ITPK1: variants seen among roughly 807,000 people sequenced by gnomAD.
ITPK1 encodes inositol-tetrakisphosphate 1-kinase, also known as inositol 1,3,4-trisphosphate 5/6-kinase.
A neutral mutation model predicts 45.3 loss-of-function variants in ITPK1; 21 were observed. That is an observed-to-expected ratio of 0.46 (90% CI 0.33 to 0.67). The LOEUF (loss-of-function observed/expected upper bound fraction) is 0.67, where lower values mean the gene tolerates loss of function less well. Among genes scored for constraint, ITPK1 ranks in the 30% least tolerant of loss-of-function variants. The probability of loss-of-function intolerance (pLI) is 0.02; values close to 1 mark genes in which losing one functional copy is unlikely to be tolerated. For synonymous variants in ITPK1, 258 were observed against 253.6 expected (o/e 1.02, Z -0.16); for missense variants, 474 against 573.5 (o/e 0.83, Z 1.77).
chr14:93,075,660 G>A (rs988813811), intron 3 of ITPK1, among the ~76,000 whole-genome samples: 3 of 152,204 alleles, frequency 2.0e-5, no homozygotes, highest in Non-Finnish European at 4.4e-5. Context: ...ACCGCTGAGG[G>A]AAGGCCTGGA....
At chr14:93,094,972 C>T (rs1471622638) in intron 2 of ITPK1, among the ~76,000 whole-genome samples, 3 of 152,228 alleles carry the variant, frequency 2.0e-5, no homozygotes, top group Middle Eastern at 3.2e-3. Context: ...GAGCTCCCTG[C>T]GCCCTCAAAC....
intron 9 of ITPK1, among the ~76,000 whole-genome samples, chr14:92,948,959 C>G (rs1408929197): frequency 3.5e-5 from 4 of 113,586 alleles, no homozygotes; most frequent in African/African-American, 1.3e-4. Flanking sequence ...CATCTCCCAC[C>G]CCGGCTTTGC....
At chr14:93,005,677 A>G in intron 4 of ITPK1, among the ~76,000 whole-genome samples, 1 of 152,206 alleles carries the variant, frequency 6.6e-6, no homozygotes. Context: ...GAGAAACCGG[A>G]CAACAGCCAA....
chr14:93,100,550 G>C (rs1021720948), intron 2 of ITPK1, among the ~76,000 whole-genome samples: 9 of 146,898 alleles, frequency 6.1e-5, no homozygotes, highest in Non-Finnish European at 1.2e-4. Flanking sequence ...GAGAGAGAGA[G>C]AGAGAGACAG....
At chr14:93,020,079 G>C (rs972552418) in intron 3 of ITPK1, among the ~76,000 whole-genome samples, 2 of 152,178 alleles carry the variant, frequency 1.3e-5, no homozygotes, top group African/African-American at 4.8e-5. Flanking sequence ...GCCCATGCTG[G>C]ATCCTGCTCT....
chr14:93,062,865 C>T (rs1890591089), intron 3 of ITPK1, among the ~76,000 whole-genome samples: 1 of 152,174 alleles, frequency 6.6e-6, no homozygotes, highest in Non-Finnish European at 1.5e-5. Context: ...GTCCTTGTCC[C>T]TGATGGACAA....
intron 2 of ITPK1, among the ~76,000 whole-genome samples, chr14:93,084,724 G>T (rs1261588544): frequency 6.6e-6 from 1 of 152,160 alleles, no homozygotes; most frequent in East Asian, 1.9e-4. Flanking sequence ...GAAGACACGA[G>T]GGGGAGGCAG....
chr14:93,077,496 T>G (rs1891273138), intron 2 of ITPK1, among the ~76,000 whole-genome samples: 4 of 152,134 alleles, frequency 2.6e-5, no homozygotes, highest in Admixed American at 2.6e-4. Flanking sequence ...TTTTGTATTT[T>G]TAGTAGAGAT....
intron 5 of ITPK1, among the ~76,000 whole-genome samples, chr14:92,967,882 T>TGAC (rs1271948709): frequency 1.3e-5 from 2 of 152,040 alleles, no homozygotes; most frequent in Non-Finnish European, 2.9e-5. Flanking sequence ...AAAAAGAGAT[T>TGAC]AATGGTTGAC....
intron 3 of ITPK1, among the ~76,000 whole-genome samples, chr14:93,061,186 G>A (rs1007427067): frequency 3.9e-5 from 6 of 152,246 alleles, no homozygotes; most frequent in Non-Finnish European, 1.5e-5. Flanking sequence ...ACTAGCTGCA[G>A]ATTCCTCAAC....
intron 3 of ITPK1, among the ~76,000 whole-genome samples, chr14:93,062,620 C>T (rs1329872747): frequency 2.0e-5 from 3 of 152,106 alleles, no homozygotes; most frequent in Admixed American, 6.5e-5. Context: ...CTGAAAGGCA[C>T]TTTCAAACCT....
intron 10 of ITPK1, among the ~76,000 whole-genome samples, chr14:92,944,238 G>A (rs1053196829): frequency 1.4e-4 from 21 of 152,126 alleles, no homozygotes; most frequent in Non-Finnish European, 2.8e-4. Flanking sequence ...GAACAGGCCT[G>A]CTGCTCTGCT....
intron 3 of ITPK1, among the ~76,000 whole-genome samples, chr14:93,053,078 G>T (rs1048826132): frequency 1.7e-4 from 26 of 151,718 alleles, no homozygotes; most frequent in African/African-American, 6.3e-4. Flanking sequence ...GTATACATAT[G>T]TAACAAACCT....
chr14:92,958,722 A>G lies in ITPK1; in HGVS notation c.505-356T>C, dbSNP rs1884887719. Reference sequence around the variant, plus strand: ...GTGCTGCTCAACCCTCTGACATCCTAAAGGATCCTCCACAAAGACCCGGGA... The same window carrying G: ...GTGCTGCTCAACCCTCTGACATCCTGAAGGATCCTCCACAAAGACCCGGGA... On this transcript the variant is annotated intron_variant, in intron 7 of 10. Transcript: ENST00000267615. This position sits in a 1 kb window ranked among gnomAD's most constrained non-coding sequence, Gnocchi z 4.4. Among the ~76,000 whole-genome samples the G allele has an allele frequency of 6.6e-6, 1 of 152,092 alleles. No homozygotes were observed. The highest frequency in any genetic ancestry group is 1.5e-5 in the Non-Finnish European group (1 of 68,022).
chr14:93,078,964 AG>A (rs1439748127), intron 2 of ITPK1, among the ~76,000 whole-genome samples: 1 of 151,780 alleles, frequency 6.6e-6, no homozygotes, highest in Non-Finnish European at 1.5e-5. Flanking sequence ...CCGGTGACAG[AG>A]GAGCGCAGAC....
Position 92,940,965 on chromosome 14 carries a change from G to C in ITPK1, c.*596C>G, listed in dbSNP as rs904896924. 3.1e-6 allele frequency: 4 copies of C among 1,285,932 alleles called. No individual in the cohort carries two copies. The highest frequency in any genetic ancestry group is 4.0e-6 in the Non-Finnish European group (4 of 988,010). The allele number at this position is 1,285,932 out of a possible 1,614,324, so 79.7% of individuals were successfully genotyped here. On this transcript the variant is annotated 3_prime_UTR_variant, in exon 11 of 11. Transcript: ENST00000267615. ...GGAGCACAGCCCAGACCCCAGCGCG[G>C]AACTCCCCTGAGGGGTCTGTGGCCT... is the stretch of plus-strand genomic sequence containing the variant.
intron 2 of ITPK1, among the ~76,000 whole-genome samples, chr14:93,092,601 C>T (rs1052514686): frequency 3.9e-5 from 6 of 152,232 alleles, no homozygotes; most frequent in Non-Finnish European, 8.8e-5. Context: ...TACCCCCCAC[C>T]CAGAGGACAT....
chr14:93,085,976 C>T lies in ITPK1; in HGVS notation c.96-9357G>A, dbSNP rs865988398. On this transcript the variant is annotated intron_variant, in intron 2 of 10. Coordinates refer to ENST00000267615, the MANE Select transcript of ITPK1 (RefSeq NM_014216.6). ...TGGTTCTAGCACCTCCTCCCCTCCC[C>T]GCTACCCCCACTCCCCCTCCTCCGT... Among the ~76,000 whole-genome samples the T allele has an allele frequency of 3.9e-5, 6 of 152,136 alleles. No individual in the cohort carries two copies. The East Asian group carries it at 5.8e-4, about 15-fold the overall frequency.
At chr14:93,109,811 G>C (rs1892671846) in intron 2 of ITPK1, among the ~76,000 whole-genome samples, 1 of 152,180 alleles carries the variant, frequency 6.6e-6, no homozygotes, top group Non-Finnish European at 1.5e-5. Context: ...ATCCCTGCAA[G>C]ATGATCAGTT....
Sources: gnomAD v4.1 joint callset for allele counts (sites outside exome capture counted in the v4.1 genomes callset) on GRCh38, gnomAD v4.1.1 for gene constraint, Gnocchi (gnomAD v3.1) non-coding constraint, MANE v1.5 for transcripts, NCBI Gene and HGNC (gene_info 2026-07-23, HGNC 2026-07-21) for gene names.